Variants in ABCB11 observed in about 807,000 individuals in gnomAD.
ABCB11 encodes bile salt export pump.
Under a neutral mutation model 148.0 loss-of-function variants are expected in ABCB11, and 95 were observed. That is an observed-to-expected ratio of 0.64 (90% CI 0.54 to 0.76). The LOEUF (loss-of-function observed/expected upper bound fraction) is 0.76. Ranked by LOEUF, ABCB11 falls within the 30% of genes least tolerant of loss-of-function variation. The probability of loss-of-function intolerance (pLI) is 0.00; values close to 1 mark genes in which losing one functional copy is unlikely to be tolerated. For synonymous variants in ABCB11, 591 were observed against 555.4 expected, an observed-to-expected ratio of 1.06 and a Z score of -0.90; for missense variants, 1,523 against 1,617.8, an observed-to-expected ratio of 0.94 and a Z score of 1.01.
intron 10 of ABCB11, among the ~76,000 whole-genome samples, chr2:168,981,112 G>A (rs13420697): frequency 6.6e-6 from 1 of 152,140 alleles, no homozygotes; most frequent in Non-Finnish European, 1.5e-5. Flanking sequence ...CCCATTTGTT[G>A]TATCACATTG....
At position 168,932,512 on chromosome 2, in the gene ABCB11, C is replaced by T. The variant is rs755806022; in HGVS notation, c.3078G>A (p.Leu1026=). The T allele has an allele frequency of 7.4e-6, 12 of 1,613,466 alleles. No individual in the cohort carries two copies. The highest frequency in any genetic ancestry group is 1.6e-4 in the Middle Eastern group (1 of 6,084). The change falls in exon 24 of 28, where the codon CTG becomes CTA. Residue 1026 remains leucine (L), a synonymous_variant. Transcript: ENST00000650372. Reference sequence around the variant, plus strand: ...AGGCTCTTCCAAGAGCTGTTGCACTCAGTACAACTGCAGAGATCACCCTGT... The same window carrying T: ...AGGCTCTTCCAAGAGCTGTTGCACTTAGTACAACTGCAGAGATCACCCTGT... ...YVFRVISAVV[L]SATALGRAFS...
At chr2:169,000,367 C>T (rs1308735258) in intron 5 of ABCB11, among the ~76,000 whole-genome samples, 1 of 152,082 alleles carries the variant, frequency 6.6e-6, no homozygotes, top group Non-Finnish European at 1.5e-5. Context: ...TCTACATGCT[C>T]TGTCCAGCCC....
chr2:168,981,151 C>A (rs1694123491), intron 10 of ABCB11, among the ~76,000 whole-genome samples: 2 of 152,178 alleles, frequency 1.3e-5, no homozygotes, highest in African/African-American at 2.4e-5. Flanking sequence ...TCTCCTGCTT[C>A]TCTTTCTTCC....
intron 15 of ABCB11, 90 bp downstream of exon 15, chr2:168,969,955 A>AAACC: frequency 5.5e-6 from 3 of 545,918 alleles, no homozygotes; most frequent in Non-Finnish European, 7.2e-6. Context: ...AACTACTCCC[A>AAACC]TCCCTCCCAC....
chr2:168,997,374 CAA>C (rs1694750014), intron 5 of ABCB11, among the ~76,000 whole-genome samples: 1 of 151,936 alleles, frequency 6.6e-6, no homozygotes, highest in African/African-American at 2.4e-5. Context: ...AGGTTGAAGC[CAA>C]AGACACTTGT....
In ABCB11 at chr2:168,979,876, G is replaced by C; in HGVS notation, c.1187C>G (p.Thr396Arg). The C allele has an allele frequency of 1.3e-6, 2 of 1,507,550 alleles. No homozygotes were observed. The highest frequency in any genetic ancestry group is 1.8e-6 in the Non-Finnish European group (2 of 1,112,088). The allele number at this position is 1,507,550 out of a possible 1,614,324, so 93.4% of individuals were successfully genotyped here. A position where few individuals can be genotyped will look rare whatever the true frequency, so the allele number is the denominator to read the frequency against. Residue 396 changes from threonine to arginine, a missense_variant, in exon 11 of 28, where the codon ACA becomes AGA. By Grantham distance (71) the Thr-to-Arg change is moderately conservative. Transcript: ENST00000650372. ...GRAAATSIFE[T>R]IDRKPIIDCM... ...TTGGCTTATACATACCCTGTCTATTGTCTCAAAAATGCTGGTGGCTGCTGC... is the reference window on the plus strand; with the variant it reads ...TTGGCTTATACATACCCTGTCTATTCTCTCAAAAATGCTGGTGGCTGCTGC...
chr2:168,988,014 A>G lies in ABCB11; in HGVS notation c.909-1730T>C, dbSNP rs905917960. Among the ~76,000 whole-genome samples, 5 of 152,234 alleles carry G rather than the reference A, an allele frequency of 3.3e-5. No individual in the cohort carries two copies. In the East Asian group the frequency reaches 5.8e-4, roughly 18 times the overall value. On this transcript the variant is annotated intron_variant, in intron 9 of 27. Transcript: ENST00000650372. The stretch of plus-strand genomic sequence containing the variant: ...TTGTGTGTGTGTGTGTGATGAGAAC[A>G]CTTAAAAATCTATTCTTAGCAATTT...
intron 3 of ABCB11, 128 bp from the exon 4 acceptor site, chr2:169,014,482 C>A (rs548440947): frequency 2.0e-5 from 16 of 820,064 alleles, no homozygotes; most frequent in African/African-American, 8.6e-5. Flanking sequence ...AAAATTCTGG[C>A]CAAACCTAGT....
At chr2:168,917,191 G>C (rs1392243529), downstream of ABCB11, among the ~76,000 whole-genome samples, 1 of 93,248 alleles carries the variant, frequency 1.1e-5, no homozygotes. Flanking sequence ...ATATAAAAAA[G>C]AGTTTTTGGA....
chr2:168,940,927 A>G (rs1193205167), intron 21 of ABCB11, among the ~76,000 whole-genome samples: 1 of 152,076 alleles, frequency 6.6e-6, no homozygotes, highest in African/African-American at 2.4e-5. Flanking sequence ...TCTGTTGAAA[A>G]CACAGTTTTT....
chr2:168,995,239 G>A, intron 7 of ABCB11, 110 bp downstream of exon 7: 2 of 1,268,842 alleles, frequency 1.6e-6, no homozygotes, highest in Non-Finnish European at 1.1e-6. Flanking sequence ...CAATTTAAGA[G>A]ATGAAACATA....
At chr2:168,980,093 G>T in intron 10 of ABCB11, 114 bp from the exon 11 acceptor site, 2 of 590,688 alleles carry the variant, frequency 3.4e-6, no homozygotes, top group Admixed American at 2.6e-5. Flanking sequence ...TCTCTTCTGT[G>T]GGTTCAAAAG....
chr2:169,008,681 T>C (rs1055772028), intron 5 of ABCB11, among the ~76,000 whole-genome samples: 1 of 152,184 alleles, frequency 6.6e-6, no homozygotes, highest in Non-Finnish European at 1.5e-5. Flanking sequence ...AGAACCCTCA[T>C]ACACTGTTAG....
chr2:168,935,605 T>C (rs971929987), intron 22 of ABCB11, among the ~76,000 whole-genome samples, 180 bp from the exon 23 acceptor site: 2 of 152,208 alleles, frequency 1.3e-5, no homozygotes, highest in African/African-American at 4.8e-5. Context: ...CGAGACAATT[T>C]TTCAGTTAAA....
At chr2:168,938,320 A>T (rs1691916197) in intron 21 of ABCB11, among the ~76,000 whole-genome samples, 1 of 152,228 alleles carries the variant, frequency 6.6e-6, no homozygotes, top group Admixed American at 6.5e-5. Flanking sequence ...AGAAAACATG[A>T]TATATCCATA....
intron 18 of ABCB11, among the ~76,000 whole-genome samples, chr2:168,961,868 G>A (rs894825487): frequency 4.0e-5 from 6 of 151,690 alleles, no homozygotes; most frequent in Admixed American, 3.9e-4. Context: ...AGCACCGTAA[G>A]AGAGTATTTC....
chr2:168,996,148 A>C (rs963641565), intron 6 of ABCB11, among the ~76,000 whole-genome samples: 2 of 152,012 alleles, frequency 1.3e-5, no homozygotes, highest in Admixed American at 1.3e-4. Flanking sequence ...TTTCTTTCTT[A>C]ATAAGAGTTA....
At chr2:169,002,241 AAAG>A (rs1408558059) in intron 5 of ABCB11, among the ~76,000 whole-genome samples, 1 of 152,182 alleles carries the variant, frequency 6.6e-6, no homozygotes, top group Admixed American at 6.5e-5. Context: ...GCACCTAAAA[AAAG>A]AGCCTCCAAA....
At chr2:168,965,114 A>ACATTCTTCTTTACCTT (rs1693242369) in intron 17 of ABCB11, among the ~76,000 whole-genome samples, 1 of 151,914 alleles carries the variant, frequency 6.6e-6, no homozygotes, top group Non-Finnish European at 1.5e-5. Context: ...AGGTGTTACC[A>ACATTCTTCTTTACCTT]AGGCAAGATT....
Sources: allele counts gnomAD v4.1 joint callset (sites outside exome capture counted in the v4.1 genomes callset), GRCh38; gene constraint gnomAD v4.1.1; transcripts MANE v1.5; gene names NCBI Gene and HGNC (gene_info 2026-07-23, HGNC 2026-07-21).